The following USP20 variants were observed in gnomAD, a reference collection of about 807,000 sequenced individuals.
USP20 encodes ubiquitin carboxyl-terminal hydrolase 20.
USP20 carries 80 observed loss-of-function variants against 124.2 expected under a neutral mutation model. The ratio of observed to expected loss-of-function variants is 0.64; its 90% CI spans 0.54 to 0.78. The LOEUF is 0.78. USP20 is among the 30% of genes least tolerant of loss of function. USP20 has a pLI of 0.00. For synonymous variants in USP20, 481 were observed against 512.3 expected (o/e 0.94, Z 0.83); for missense variants, 1,043 against 1,244.4 (o/e 0.84, Z 2.44).
chr9:129,851,843 C>G (rs1377819203), intron 2 of USP20, among the ~76,000 whole-genome samples: 3 of 151,984 alleles, frequency 2.0e-5, no homozygotes, highest in African/African-American at 7.3e-5. Context: ...CATCACCCAG[C>G]TGCACCACTG....
At chr9:129,872,752 G>T (rs2034186011) in intron 15 of USP20, among the ~76,000 whole-genome samples, 1 of 152,132 alleles carries the variant, frequency 6.6e-6, no homozygotes, top group African/African-American at 2.4e-5. Flanking sequence ...GGTCATGGTG[G>T]CATGTACCTG....
chr9:129,873,077 C>CTTTTTTTT (rs1564218943), intron 15 of USP20, among the ~76,000 whole-genome samples: 1 of 45,632 alleles, frequency 2.2e-5, no homozygotes, highest in African/African-American at 5.6e-5. Flanking sequence ...TCTTTTTCTT[C>CTTTTTTTT]TTCTTTTTTT....
chr9:129,836,989 A>G lies in USP20; in HGVS notation c.-129+1490A>G, dbSNP rs989490976. Among the ~76,000 whole-genome samples the G allele has an allele frequency of 4.6e-5, 7 of 152,308 alleles. No homozygotes were observed. The South Asian group carries it at 1.5e-3, about 32-fold the overall frequency. Reference sequence around the variant, plus strand: ...CTACTAAGGAAAGGGCAAGAAGGCCAGGGGCATTTCTGGACCCTCCTCCTC... The same window carrying G: ...CTACTAAGGAAAGGGCAAGAAGGCCGGGGGCATTTCTGGACCCTCCTCCTC... On this transcript the variant is annotated intron_variant, in intron 1 of 25. Coordinates refer to ENST00000372429, the MANE Select transcript of USP20 (RefSeq NM_001110303.4).
intron 10 of USP20, among the ~76,000 whole-genome samples, chr9:129,866,401 T>C (rs567900625): frequency 4.6e-5 from 7 of 152,308 alleles, no homozygotes; most frequent in Admixed American, 1.3e-4. Context: ...CATAGAAGTC[T>C]CACAAAGTGG....
chr9:129,875,994 A>C (rs533572448), intron 21 of USP20, 136 bp from the exon 22 acceptor site: 1 of 753,110 alleles, frequency 1.3e-6, no homozygotes, highest in South Asian at 1.8e-5. Flanking sequence ...TGTGGTGCTC[A>C]CACAGAGGTG....
intron 7 of USP20, 126 bp downstream of exon 7, chr9:129,861,159 G>A (rs1392202490): frequency 8.8e-6 from 8 of 908,906 alleles, no homozygotes; most frequent in Admixed American, 2.3e-5. Flanking sequence ...ATGGGGTGAC[G>A]GATAAGCTGT....
intron 1 of USP20, among the ~76,000 whole-genome samples, chr9:129,838,187 G>A (rs11790175): frequency 0.19 from 28,508 of 151,686 alleles, 3,201 homozygotes; most frequent in South Asian, 0.26. Flanking sequence ...GATTACAGGC[G>A]CCCACCACCA....
At position 129,880,454 on chromosome 9, in the gene USP20, C is replaced by T. The variant is rs939980656; in HGVS notation, c.*17-13C>T. ...TGGCCCGGCCCCACTGCTGAGTGCC[C>T]GTGTCCCCACAGCCCCATGTGCCCC... On this transcript the variant is annotated splice_polypyrimidine_tract_variant and intron_variant, in intron 25 of 25. Transcript: ENST00000372429. 1.2e-5 allele frequency: 10 copies of T among 808,862 alleles called. No individual in the cohort carries two copies. The highest frequency in any genetic ancestry group is 5.4e-5 in the East Asian group (2 of 36,724). 50.1% of individuals were successfully genotyped at this position (808,862 alleles called of 1,614,324 possible). A position where few individuals can be genotyped will look rare whatever the true frequency, so the allele number is the denominator to read the frequency against.
chr9:129,839,049 A>G lies in USP20; in HGVS notation c.-129+3550A>G, dbSNP rs1479985663. Among the ~76,000 whole-genome samples, 2 of 152,044 alleles carry G rather than the reference A, an allele frequency of 1.3e-5. No individual in the cohort carries two copies. The highest frequency in any genetic ancestry group is 2.9e-5 in the Non-Finnish European group (2 of 67,984). ...GGAGTACGCGTGTTTGGATTTGGGG[A>G]GGTGAAGGTCGTCCCCATGCCAGGC... On this transcript the variant is annotated intron_variant, in intron 1 of 25. Coordinates refer to ENST00000372429, the MANE Select transcript of USP20 (RefSeq NM_001110303.4). The surrounding 1 kb of genome is among the most constrained non-coding windows in gnomAD (Gnocchi z 4.5).
chr9:129,869,873 CAT>C (rs1243658815), intron 14 of USP20, 29 bp downstream of exon 14: 3 of 1,499,350 alleles, frequency 2.0e-6, no homozygotes, highest in Non-Finnish European at 2.7e-6. Context: ...TACTGGGCGA[CAT>C]GGGCTGGGCC....
intron 8 of USP20, among the ~76,000 whole-genome samples, chr9:129,862,927 A>ATAATAATAATAATAAT (rs1554747232): frequency 6.6e-6 from 1 of 150,566 alleles, no homozygotes; most frequent in African/African-American, 2.4e-5. Context: ...AATAATAATA[A>ATAATAATAATAATAAT]AAAAATAAGG....
At chr9:129,861,107 A>T in intron 7 of USP20, 74 bp downstream of exon 7, 6 of 1,383,906 alleles carry the variant, frequency 4.3e-6, no homozygotes, top group Non-Finnish European at 6.1e-6. Flanking sequence ...AAACCGCCAG[A>T]GTCTTGGTCT....
intron 22 of USP20, among the ~76,000 whole-genome samples, chr9:129,877,131 CACGCT>C (rs1196295443): frequency 6.6e-6 from 1 of 152,188 alleles, no homozygotes; most frequent in African/African-American, 2.4e-5. Context: ...CCCTCCCTGC[CACGCT>C]ACTTCTAACA....
In USP20 at chr9:129,874,636, A is replaced by G; in HGVS notation, c.1801A>G (p.Ser601Gly). ...GGTGATGTACTCATTCAAGATCAAC[A>G]GCCACGTCTCCTTCCCCCTCGAGGG... is the stretch of plus-strand genomic sequence containing the variant. ...HEVMYSFKIN[S>G]HVSFPLEGLD... Residue 601 changes from serine (S) to glycine (G), a missense_variant, in exon 18 of 26, where the codon AGC (serine) becomes GGC (glycine). Transcript: ENST00000372429. 1 of 1,613,884 alleles carries G rather than the reference A, an allele frequency of 6.2e-7. No individual in the cohort carries two copies.
intron 10 of USP20, among the ~76,000 whole-genome samples, chr9:129,867,357 A>G (rs754983288): frequency 6.6e-6 from 1 of 152,164 alleles, no homozygotes; most frequent in Non-Finnish European, 1.5e-5. Context: ...TAAAATGGTC[A>G]TTGCTGGGAT....
chr9:129,846,267 T>TC (rs2032561692), intron 1 of USP20, among the ~76,000 whole-genome samples: 2 of 130,400 alleles, frequency 1.5e-5, no homozygotes, highest in African/African-American at 2.8e-5. Flanking sequence ...TTTTTTTTTT[T>TC]TTTTTTGAGA....
intron 1 of USP20, among the ~76,000 whole-genome samples, chr9:129,840,172 C>G (rs1240927349): frequency 6.6e-6 from 1 of 152,242 alleles, no homozygotes; most frequent in Admixed American, 6.5e-5. Flanking sequence ...CACGTTCTTT[C>G]AGCTGCACAG....
chr9:129,855,372 A>G (rs1238778751), intron 3 of USP20, among the ~76,000 whole-genome samples: 1 of 151,772 alleles, frequency 6.6e-6, no homozygotes, highest in South Asian at 2.1e-4. Flanking sequence ...CGGAGTTTGC[A>G]GTGAGCCGAG....
At chr9:129,858,215 A>G in intron 5 of USP20, 103 bp downstream of exon 5, 9 of 1,316,218 alleles carry the variant, frequency 6.8e-6, no homozygotes, top group Non-Finnish European at 8.6e-6. Flanking sequence ...GGGGCAATAA[A>G]TGGTGTCATC....
Sources: allele counts gnomAD v4.1 joint callset (sites outside exome capture counted in the v4.1 genomes callset), GRCh38; gene constraint gnomAD v4.1.1; non-coding constraint Gnocchi (gnomAD v3.1); transcripts MANE v1.5; gene names NCBI Gene and HGNC (gene_info 2026-07-23, HGNC 2026-07-21).